Variants in CHRNB3 observed in about 807,000 individuals in gnomAD.
The protein encoded by CHRNB3 is neuronal acetylcholine receptor subunit beta-3.
CHRNB3 carries 37 observed loss-of-function variants against 40.6 expected under a neutral mutation model. That is an observed-to-expected ratio of 0.91 (90% confidence interval 0.70 to 1.20). The LOEUF (loss-of-function observed/expected upper bound fraction) is 1.20, where lower values mean the gene tolerates loss of function less well. Among genes scored for constraint, CHRNB3 ranks in the 50% most tolerant of loss-of-function variants. CHRNB3 has a pLI of 0.00. For missense variants in CHRNB3, 505 were observed against 551.2 expected (o/e 0.92, Z 0.84); for synonymous variants, 207 against 207.1 (o/e 1.00, Z 0.00).
chr8:42,710,304 T>G, intron 2 of CHRNB3, 86 bp from the exon 3 acceptor site: 42 of 1,048,556 alleles, frequency 4.0e-5, no homozygotes, highest in Non-Finnish European at 5.0e-5. Context: ...GGCAACATCT[T>G]GAGATCCCAT....
chr8:42,730,350 G>A (rs1302576600), intron 3 of CHRNB3, among the ~76,000 whole-genome samples: 2 of 152,152 alleles, frequency 1.3e-5, no homozygotes, highest in Non-Finnish European at 2.9e-5. Flanking sequence ...TTCATGGTGA[G>A]GCAGATACAG....
At chr8:42,716,902 T>C (rs1190823882) in intron 3 of CHRNB3, among the ~76,000 whole-genome samples, 1 of 152,034 alleles carries the variant, frequency 6.6e-6, no homozygotes, top group Non-Finnish European at 1.5e-5. Flanking sequence ...GACAGTTTGT[T>C]CTCCTCTCCC....
intron 3 of CHRNB3, among the ~76,000 whole-genome samples, chr8:42,712,168 T>G (rs980383439): frequency 6.6e-6 from 1 of 151,714 alleles, no homozygotes; most frequent in Non-Finnish European, 1.5e-5. Context: ...AATTTTTGTA[T>G]TTTTAGTAGA....
At position 42,714,483 on chromosome 8, in the gene CHRNB3, TCAAAACAAAA is replaced by T. The variant is rs576411761; in HGVS notation, c.249+4071_249+4080del. Among the ~76,000 whole-genome samples, 502 of 151,608 alleles carry T rather than the reference TCAAAACAAAA, an allele frequency of 3.3e-3. 2 individuals are homozygous for T. Among genetic ancestry groups the T allele is most frequent in the Non-Finnish European group, 5.4e-3 (370 of 67,952 alleles). On this transcript the variant is annotated intron_variant, in intron 3 of 5. Transcript: ENST00000289957. ...CTGGACGACAGAGCAAGACTCTGTC[TCAAAACAAAA>T]CAAAACAAAACAAAACAAAACTTTT...
chr8:42,733,101 G>A (rs775321817), intron 5 of CHRNB3, among the ~76,000 whole-genome samples: 10 of 151,798 alleles, frequency 6.6e-5, no homozygotes, highest in Admixed American at 2.0e-4. Flanking sequence ...AGGCCAAAGC[G>A]GGTGTATCAC....
intron 3 of CHRNB3, among the ~76,000 whole-genome samples, chr8:42,720,529 T>C (rs898664239): frequency 2.0e-5 from 3 of 152,138 alleles, no homozygotes; most frequent in African/African-American, 7.2e-5. Flanking sequence ...TTACAGCAAC[T>C]GTCAGGAGGT....
Position 42,736,586 on chromosome 8 carries a change from G to A in CHRNB3, c.1345G>A (p.Ala449Thr), listed in dbSNP as rs1456799585. 1 of 1,614,018 alleles carries A rather than the reference G, an allele frequency of 6.2e-7. No individual in the cohort carries two copies. Among genetic ancestry groups the A allele is most frequent in the African/African-American group, 1.3e-5 (1 of 74,888 alleles). The change falls in exon 6 of 6, where the codon GCT becomes ACT. Residue 449 changes from alanine (A) to threonine (T), a missense_variant. Transcript: ENST00000289957. ...VTGSVLIFTPALKMWLHSYH is the reference protein window; with the variant it reads ...VTGSVLIFTPTLKMWLHSYH ...AGGCTCGGTTCTGATTTTTACCCCT[G>A]CTTTGAAGATGTGGCTACATAGTTA...
chr8:42,731,667 T>C lies in CHRNB3; in HGVS notation c.360T>C (p.Asn120=). 1 of 1,598,954 alleles carries C rather than the reference T, an allele frequency of 6.3e-7. No individual in the cohort carries two copies. Among genetic ancestry groups the C allele is most frequent in the Non-Finnish European group, 8.5e-7 (1 of 1,172,218 alleles). Reference sequence around the variant, plus strand: ...TAAGGTGAAACTGCTTTGATTGCAGTGCTGACGGCCGCTTCGAAGGCTCCC... The same window carrying C: ...TAAGGTGAAACTGCTTTGATTGCAGCGCTGACGGCCGCTTCGAAGGCTCCC... ...LWLPDIVLFE[N]ADGRFEGSLM... The change falls in exon 5 of 6, where the codon AAT becomes AAC. Residue 120 remains asparagine (N), a splice_region_variant and synonymous_variant. Coordinates refer to ENST00000289957, the MANE Select transcript of CHRNB3 (RefSeq NM_000749.5).
intron 3 of CHRNB3, among the ~76,000 whole-genome samples, chr8:42,711,974 GT>G (rs909024417): frequency 6.6e-6 from 1 of 151,840 alleles, no homozygotes; most frequent in East Asian, 1.9e-4. Flanking sequence ...ATTTTCTAAA[GT>G]TTTTTGTTTG....
At chr8:42,726,680 G>A (rs142335447) in intron 3 of CHRNB3, among the ~76,000 whole-genome samples, 103 of 152,132 alleles carry the variant, frequency 6.8e-4, no homozygotes, top group African/African-American at 2.3e-3. Context: ...TGTAGAGACA[G>A]GGTTTCACCA....
chr8:42,723,080 T>C (rs149506757), intron 3 of CHRNB3, among the ~76,000 whole-genome samples: 1 of 130,062 alleles, frequency 7.7e-6, no homozygotes. Context: ...GGATATCCTA[T>C]TACTTAGATA....
At position 42,736,535 on chromosome 8, in the gene CHRNB3, T is replaced by G. The variant is rs567527967; in HGVS notation, c.1294T>G (p.Trp432Gly). ...VAQVLDRIFL[W>G]LFLIVSVTGS... is the part of the protein sequence containing the mutation. ...TCAAGTTCTTGACCGAATCTTCCTGTGGCTCTTTCTGATAGTGTCAGTAAC... is the reference window on the plus strand; with the variant it reads ...TCAAGTTCTTGACCGAATCTTCCTGGGGCTCTTTCTGATAGTGTCAGTAAC... Residue 432 changes from tryptophan to glycine, a missense_variant, in exon 6 of 6, where the codon TGG (tryptophan) becomes GGG (glycine). Trp to Gly is a radical substitution (Grantham distance 184, BLOSUM62 -2). Coordinates refer to ENST00000289957, the MANE Select transcript of CHRNB3 (RefSeq NM_000749.5). 1.2e-6 allele frequency: 2 copies of G among 1,614,234 alleles called. No individual in the cohort carries two copies. Among genetic ancestry groups the G allele is most frequent in the South Asian group, 2.2e-5 (2 of 91,086 alleles).
At chr8:42,720,671 C>T (rs1398138824) in intron 3 of CHRNB3, among the ~76,000 whole-genome samples, 1 of 152,134 alleles carries the variant, frequency 6.6e-6, no homozygotes, top group East Asian at 1.9e-4. Flanking sequence ...AACAGTGAGC[C>T]CCATAAACCA....
chr8:42,736,362 T>C (rs759678531), intron 5 of CHRNB3, 122 bp from the exon 6 acceptor site: 6 of 1,187,466 alleles, frequency 5.1e-6, no homozygotes, highest in Non-Finnish European at 4.8e-6. Context: ...GGACATTAGA[T>C]GCATTTTGAA....
At chr8:42,711,670 C>T (rs1248704694) in intron 3 of CHRNB3, among the ~76,000 whole-genome samples, 1 of 152,166 alleles carries the variant, frequency 6.6e-6, no homozygotes, top group Non-Finnish European at 1.5e-5. Flanking sequence ...GCTGGGATTA[C>T]AGACTTGAGC....
chr8:42,698,918 T>C (rs1176919069), intron 1 of CHRNB3, among the ~76,000 whole-genome samples: 1 of 152,236 alleles, frequency 6.6e-6, no homozygotes, highest in East Asian at 1.9e-4. Context: ...CATGATTACA[T>C]AAGAAAACTG....
At chr8:42,731,191 T>G (rs937267811) in intron 4 of CHRNB3, among the ~76,000 whole-genome samples, 3 of 152,108 alleles carry the variant, frequency 2.0e-5, no homozygotes, top group Non-Finnish European at 2.9e-5. Context: ...GGCAAAATAC[T>G]TAAAAGAAAT....
intron 3 of CHRNB3, among the ~76,000 whole-genome samples, chr8:42,728,331 T>C (rs7002613): frequency 0.057 from 8,696 of 152,004 alleles, 322 homozygotes; most frequent in Middle Eastern, 0.11. Flanking sequence ...TCAAGACCAG[T>C]CTGGGCAACA....
chr8:42,722,418 C>A (rs570543379), intron 3 of CHRNB3, among the ~76,000 whole-genome samples: 2 of 152,080 alleles, frequency 1.3e-5, no homozygotes, highest in Admixed American at 6.6e-5. Context: ...CCCTCCTTCC[C>A]GTGGCCTTGC....
Sources: allele counts gnomAD v4.1 joint callset (sites outside exome capture counted in the v4.1 genomes callset), GRCh38; gene constraint gnomAD v4.1.1; transcripts MANE v1.5; gene names NCBI Gene and HGNC (gene_info 2026-07-23, HGNC 2026-07-21).